Variants in DTNB observed in about 807,000 individuals in gnomAD.
DTNB encodes the protein DTN-B.
In DTNB, 63 loss-of-function variants were observed where a neutral mutation model predicts 90.7. The observed-to-expected ratio is 0.69, with a 90% confidence interval of 0.57 to 0.86. The LOEUF (loss-of-function observed/expected upper bound fraction) is 0.86. Ranked by LOEUF, DTNB falls within the 40% of genes least tolerant of loss-of-function variation. DTNB has a pLI of 0.00. For synonymous variants in DTNB, 277 were observed against 286.7 expected (o/e 0.97, Z 0.34); for missense variants, 744 against 807.1 (o/e 0.92, Z 0.95).
chr2:25,528,606 C>T (rs1025870892), intron 9 of DTNB, among the ~76,000 whole-genome samples: 6 of 152,072 alleles, frequency 3.9e-5, no homozygotes, highest in African/African-American at 1.2e-4. Flanking sequence ...GACTAAAATA[C>T]AAAAACTATT....
At chr2:25,558,093 G>C (rs947236250) in intron 8 of DTNB, 2 of 571,648 alleles carry the variant, frequency 3.5e-6, no homozygotes, top group Admixed American at 6.3e-5. Context: ...CACAGGATCT[G>C]GCTCATCAAA....
intron 3 of DTNB, among the ~76,000 whole-genome samples, chr2:25,638,294 A>G (rs970184244): frequency 6.6e-6 from 1 of 152,260 alleles, no homozygotes; most frequent in Non-Finnish European, 1.5e-5. Context: ...CCAACATGGC[A>G]CATGTATACA....
intron 12 of DTNB, among the ~76,000 whole-genome samples, chr2:25,441,879 A>C (rs774158438): frequency 2.6e-5 from 4 of 152,200 alleles, no homozygotes; most frequent in Non-Finnish European, 4.4e-5. Context: ...AAGGTTTCCT[A>C]GAAAGTTAGG....
chr2:25,546,504 C>G (rs1329628474), intron 8 of DTNB, among the ~76,000 whole-genome samples: 1 of 152,154 alleles, frequency 6.6e-6, no homozygotes, highest in African/African-American at 2.4e-5. Flanking sequence ...CTTCTAAAGT[C>G]CTGGCCTTTA....
At chr2:25,517,942 A>G (rs893821526) in intron 9 of DTNB, among the ~76,000 whole-genome samples, 1 of 152,218 alleles carries the variant, frequency 6.6e-6, no homozygotes, top group African/African-American at 2.4e-5. Context: ...AGGGCATTAT[A>G]CTAAGTGAAA....
At chr2:25,549,460 T>C (rs2151090226) in intron 8 of DTNB, among the ~76,000 whole-genome samples, 1 of 152,310 alleles carries the variant, frequency 6.6e-6, no homozygotes, top group Admixed American at 6.5e-5. Flanking sequence ...TAATATTTTC[T>C]TACAAGTTGG....
At chr2:25,508,898 A>G (rs528489394) in intron 9 of DTNB, among the ~76,000 whole-genome samples, 1 of 152,316 alleles carries the variant, frequency 6.6e-6, no homozygotes, top group South Asian at 2.1e-4. Context: ...ATTTCATTAT[A>G]TGTATTCCTA....
At chr2:25,628,434 C>A (rs1384727119) in intron 3 of DTNB, 50 bp from the exon 4 acceptor site, 2 of 1,528,512 alleles carry the variant, frequency 1.3e-6, no homozygotes, top group African/African-American at 2.7e-5. Context: ...TGTGGTACTA[C>A]CCTTCACAAT....
intron 8 of DTNB, among the ~76,000 whole-genome samples, chr2:25,559,016 G>A (rs2057826282): frequency 6.6e-6 from 1 of 152,136 alleles, no homozygotes; most frequent in Non-Finnish European, 1.5e-5. Context: ...CCAGAGCCCT[G>A]CATGTTCCTG....
In DTNB at chr2:25,553,608, C is replaced by T. The variant is rs1007577636; in HGVS notation, c.877-22011G>A. Among the ~76,000 whole-genome samples the T allele has an allele frequency of 2.6e-5, 4 of 151,874 alleles. No homozygotes were observed. In the East Asian group the frequency reaches 7.8e-4, roughly 29 times the overall value. On this transcript the variant is annotated intron_variant, in intron 8 of 20. Coordinates refer to ENST00000406818, the MANE Select transcript of DTNB (RefSeq NM_021907.5). ...CAAAAAAATTAGCCGGGTGTGGTGG[C>T]AGGCGCCTGTAATCCCAGCTACTCA...
chr2:25,611,741 A>C (rs1427401106), intron 4 of DTNB, among the ~76,000 whole-genome samples: 2 of 152,202 alleles, frequency 1.3e-5, no homozygotes, highest in Non-Finnish European at 2.9e-5. Context: ...CAGGAGGCTG[A>C]AGCAGGAGGA....
At chr2:25,414,282 T>G (rs2047338209) in intron 16 of DTNB, among the ~76,000 whole-genome samples, 1 of 152,136 alleles carries the variant, frequency 6.6e-6, no homozygotes, top group Non-Finnish European at 1.5e-5. Context: ...GGAGACAGAG[T>G]CTCGCTCTGT....
At chr2:25,438,273 C>T (rs1265042039) in intron 12 of DTNB, among the ~76,000 whole-genome samples, 1 of 152,128 alleles carries the variant, frequency 6.6e-6, no homozygotes, top group East Asian at 1.9e-4. Context: ...CACAAAAAAA[C>T]TAATGATAGC....
chr2:25,526,391 A>ATTT (rs1312936429), intron 9 of DTNB, among the ~76,000 whole-genome samples: 13 of 64,630 alleles, frequency 2.0e-4, no homozygotes, highest in African/African-American at 6.5e-4. Context: ...ATATATATAT[A>ATTT]TATATTTTTT....
chr2:25,549,039 T>A (rs2151087271), intron 8 of DTNB, among the ~76,000 whole-genome samples: 1 of 152,304 alleles, frequency 6.6e-6, no homozygotes, highest in East Asian at 1.9e-4. Flanking sequence ...CTTTGAGTTG[T>A]TTTGTCTCAT....
At chr2:25,391,115 C>G (rs1359514432) in intron 16 of DTNB, among the ~76,000 whole-genome samples, 1 of 151,432 alleles carries the variant, frequency 6.6e-6, no homozygotes, top group Non-Finnish European at 1.5e-5. Context: ...CCAGGATGGT[C>G]TCGATCTCCT....
chr2:25,647,733 A>G (rs184558553), intron 2 of DTNB, among the ~76,000 whole-genome samples: 10 of 152,108 alleles, frequency 6.6e-5, no homozygotes, highest in Non-Finnish European at 1.2e-4. Context: ...TCAACCAACC[A>G]ACTGATCAAT....
chr2:25,618,585 G>A (rs1200313607), intron 4 of DTNB, among the ~76,000 whole-genome samples: 3 of 152,182 alleles, frequency 2.0e-5, no homozygotes, highest in Non-Finnish European at 4.4e-5. Context: ...GCCTATGATA[G>A]CTACAGAGTT....
chr2:25,571,582 A>G (rs1035612336), intron 8 of DTNB, among the ~76,000 whole-genome samples: 8 of 152,030 alleles, frequency 5.3e-5, no homozygotes, highest in Admixed American at 5.2e-4. Context: ...AAGAGTGCTC[A>G]AATCTCATTT....
Sources: allele counts gnomAD v4.1 joint callset (sites outside exome capture counted in the v4.1 genomes callset), GRCh38; gene constraint gnomAD v4.1.1; transcripts MANE v1.5; gene names NCBI Gene and HGNC (gene_info 2026-07-23, HGNC 2026-07-21).